The following FGFR2 variants were observed in gnomAD, a reference collection of about 807,000 sequenced individuals.
FGFR2 encodes BEK fibroblast growth factor receptor.
Under a neutral mutation model 95.9 loss-of-function variants are expected in FGFR2, and 19 were observed. The ratio of observed to expected loss-of-function variants is 0.20; its 90% confidence interval spans 0.14 to 0.29. The LOEUF (loss-of-function observed/expected upper bound fraction) is 0.29. Among genes scored for constraint, FGFR2 ranks in the 10% least tolerant of loss-of-function variants. FGFR2 has a pLI of 1.00. For synonymous variants in FGFR2, 392 were observed against 393.3 expected, an observed-to-expected ratio of 1.00 and a Z score of 0.04; for missense variants, 707 against 1,056.9, an observed-to-expected ratio of 0.67 and a Z score of 4.59.
intron 5 of FGFR2, among the ~76,000 whole-genome samples, chr10:121,544,823 G>A (rs1261718553): frequency 6.6e-6 from 1 of 152,276 alleles, no homozygotes; most frequent in Admixed American, 6.5e-5. Context: ...TTTATGTTAT[G>A]CATATATTAC....
Position 121,515,245 on chromosome 10 carries a change from A to G in FGFR2, c.1159T>C (p.Leu387=), listed in dbSNP as rs2134227506. The G allele has an allele frequency of 6.2e-7, 1 of 1,614,190 alleles. No homozygotes were observed. The highest frequency in any genetic ancestry group is 8.5e-7 in the Non-Finnish European group (1 of 1,180,032). ...EIAIYCIGVF[L]IACMVVTVIL... Reference sequence around the variant, plus strand: ...ACTGTTACCACCATACAGGCGATTAAGAAGACCCCTATGCAGTAAATGGCT... The same window carrying G: ...ACTGTTACCACCATACAGGCGATTAGGAAGACCCCTATGCAGTAAATGGCT... The change falls in exon 9 of 18, where the codon TTA becomes CTA. Residue 387 remains leucine (L), a synonymous_variant. Transcript: ENST00000358487.
In FGFR2 at chr10:121,560,863, C is replaced by T. The variant is rs114433596; in HGVS notation, c.454+3639G>A. ...CATTTCAGTGTGAATCAGAATCAGC[C>T]CCAGAGTTTCTGAGGCAGTGGGTCT... On this transcript the variant is annotated intron_variant, in intron 4 of 17. Transcript: ENST00000358487. 4.5e-3 allele frequency among the ~76,000 whole-genome samples: 688 copies of T among 152,160 alleles called. 6 individuals carry two copies. Among genetic ancestry groups the T allele is most frequent in the African/African-American group, 0.015 (625 of 41,490 alleles).
chr10:121,482,292 C>A (rs1392936605), intron 17 of FGFR2: 16 of 834,386 alleles, frequency 1.9e-5, no homozygotes, highest in African/African-American at 8.5e-5. Context: ...CCCCCTTGAA[C>A]CGTTCCTTTC....
rs1427116738 is a variant in FGFR2 at position 121,576,190 on chromosome 10, AAAAT to A, written c.110-10490_110-10487del. Among the ~76,000 whole-genome samples the A allele has an allele frequency of 2.6e-5, 4 of 152,314 alleles. No individual in the cohort carries two copies. In the South Asian group the frequency reaches 8.3e-4, roughly 32 times the overall value. On this transcript the variant is annotated intron_variant, in intron 2 of 17. Coordinates refer to ENST00000358487, the MANE Select transcript of FGFR2 (RefSeq NM_000141.5). The stretch of plus-strand genomic sequence containing the variant: ...CAACAAGAGCGAAACTCCGTCTCAA[AAAAT>A]AAATAAATAAATAAATCGAGTCTTT...
chr10:121,548,200 G>A (rs1288241030), intron 5 of FGFR2, among the ~76,000 whole-genome samples: 1 of 136,914 alleles, frequency 7.3e-6, no homozygotes, highest in Non-Finnish European at 1.5e-5. Context: ...AGAGGACCAC[G>A]CCAGCACACT....
At chr10:121,570,715 G>C (rs1858528109) in intron 2 of FGFR2, among the ~76,000 whole-genome samples, 1 of 152,196 alleles carries the variant, frequency 6.6e-6, no homozygotes, top group African/African-American at 2.4e-5. Flanking sequence ...CAGAGAATAT[G>C]TTTCCATGTA....
chr10:121,515,089 A>T (rs377178291), intron 9 of FGFR2, 28 bp downstream of exon 9: 1 of 1,609,740 alleles, frequency 6.2e-7, no homozygotes. Context: ...GGGAGGAGTA[A>T]ATTTCTTTAA....
At position 121,534,091 on chromosome 10, in the gene FGFR2, C is replaced by CTTTTT. The variant is rs1022674124; in HGVS notation, c.748+4496_748+4500dup. Among the ~76,000 whole-genome samples the CTTTTT allele has an allele frequency of 2.7e-3, 250 of 92,102 alleles. 5 individuals carry two copies. The highest frequency in any genetic ancestry group is 7.9e-3 in the African/African-American group (167 of 21,096). The allele number at this position is 92,102 out of a possible 152,430, so 60.4% of individuals were successfully genotyped here. A position where few individuals can be genotyped will look rare whatever the true frequency, so the allele number is the denominator to read the frequency against. ...GCCACGTCTGTAGGTCCCAAAATGG[C>CTTTTT]TTTTTTTTTTTTTTTTTTTTTTTTT... is the stretch of plus-strand genomic sequence containing the variant. On this transcript the variant is annotated intron_variant, in intron 6 of 17. Transcript: ENST00000358487.
rs45631563 is a variant in FGFR2, at chr10:121,589,810, A to T, written c.109+3899T>A. On this transcript the variant is annotated intron_variant, in intron 2 of 17. Transcript: ENST00000358487. ...AAGAATAAGTCCTTGTTCCAAAGCT[A>T]ACTATCAAGTTACAGTCAACTCTTA... 0.037 allele frequency among the ~76,000 whole-genome samples: 5,562 copies of T among 152,352 alleles called. 114 individuals are homozygous for T. Among genetic ancestry groups the T allele is most frequent in the Middle Eastern group, 0.082 (24 of 292 alleles).
At chr10:121,482,175 G>T in intron 17 of FGFR2, 4 of 1,612,738 alleles carry the variant, frequency 2.5e-6, no homozygotes, top group Non-Finnish European at 3.4e-6. Context: ...TAAACTTTCA[G>T]ATCTGATAGG....
At chr10:121,513,522 A>C (rs1256611223) in intron 9 of FGFR2, among the ~76,000 whole-genome samples, 4 of 152,226 alleles carry the variant, frequency 2.6e-5, no homozygotes, top group African/African-American at 7.2e-5. Flanking sequence ...TGGCCTAGCT[A>C]TGCCAAATTA....
Position 121,593,859 on chromosome 10 carries a change from T to G in FGFR2, c.-42A>C, listed in dbSNP as rs1323505513. ...CCCGGTCCTCTTCCATATCTCCATG[T>G]GGACGTTAATCCCATCTGCACACTT... On this transcript the variant is annotated 5_prime_UTR_variant, in exon 2 of 18. Transcript: ENST00000358487. 1 of 1,558,390 alleles carries G rather than the reference T, an allele frequency of 6.4e-7. No homozygotes were observed. The highest frequency in any genetic ancestry group is 1.1e-5 in the South Asian group (1 of 89,934).
At chr10:121,495,072 C>T (rs181381565) in intron 13 of FGFR2, among the ~76,000 whole-genome samples, 1 of 152,208 alleles carries the variant, frequency 6.6e-6, no homozygotes, top group Admixed American at 6.5e-5. Flanking sequence ...CATTTGGAAG[C>T]GATATCTTGT....
At chr10:121,524,137 CACACACA>C (rs1427061131) in intron 6 of FGFR2, among the ~76,000 whole-genome samples, 2 of 140,620 alleles carry the variant, frequency 1.4e-5, no homozygotes, top group South Asian at 2.3e-4. Flanking sequence ...CACACACACA[CACACACA>C]CACCCCAAGT....
At chr10:121,532,122 G>T (rs1457980440) in intron 6 of FGFR2, among the ~76,000 whole-genome samples, 3 of 152,170 alleles carry the variant, frequency 2.0e-5, no homozygotes, top group African/African-American at 4.8e-5. Flanking sequence ...AAATGGAAAA[G>T]AATTCACTGG....
At chr10:121,571,168 T>G (rs1858627434) in intron 2 of FGFR2, among the ~76,000 whole-genome samples, 1 of 151,566 alleles carries the variant, frequency 6.6e-6, no homozygotes, top group South Asian at 2.1e-4. Flanking sequence ...TTTGGTATTT[T>G]TTTTAGTAGA....
At chr10:121,563,267 G>A (rs1347733233) in intron 4 of FGFR2, among the ~76,000 whole-genome samples, 4 of 152,036 alleles carry the variant, frequency 2.6e-5, no homozygotes, top group Non-Finnish European at 5.9e-5. Flanking sequence ...CTAGTTACTC[G>A]GGAGGCTGAG....
At chr10:121,591,564 T>C (rs1241371229) in intron 2 of FGFR2, among the ~76,000 whole-genome samples, 2 of 152,188 alleles carry the variant, frequency 1.3e-5, no homozygotes. Context: ...AAGATCATCT[T>C]CTTAAGCCCT....
rs752501698 is a variant in FGFR2 at position 121,564,537 on chromosome 10, G to C, written c.419C>G (p.Ala140Gly). 6.2e-7 allele frequency: 1 copy of C among 1,613,940 alleles called. No homozygotes were observed. Among genetic ancestry groups the C allele is most frequent in the Non-Finnish European group, 8.5e-7 (1 of 1,179,982 alleles). ...ACTGTTCTCACTGACAAAATCTTCC[G>C]CACCATCGGTGTCATCCTCATCATC... ...SGDDEDDTDG[A>G]EDFVSENSNN... Residue 140 changes from alanine to glycine, a missense_variant, in exon 4 of 18, where the codon GCG (alanine) becomes GGG (glycine). Around this residue, in one of 7 missense-constraint regions of FGFR2, gnomAD observed 178 missense variants for 194.1 expected, o/e 0.92. Transcript: ENST00000358487.
Sources: gnomAD v4.1 joint callset for allele counts (sites outside exome capture counted in the v4.1 genomes callset) on GRCh38, gnomAD v4.1.1 for gene constraint, gnomAD v4.1.1 regional missense constraint, MANE v1.5 for transcripts, NCBI Gene and HGNC (gene_info 2026-07-23, HGNC 2026-07-21) for gene names.